GPC5: variants seen among roughly 807,000 people sequenced by gnomAD.
The protein encoded by GPC5 is glypican-5.
GPC5 carries 47 observed loss-of-function variants against 53.9 expected under a neutral mutation model. The observed-to-expected ratio is 0.87, with a 90% confidence interval of 0.69 to 1.11. GPC5 has a LOEUF of 1.11. Ranked by LOEUF, GPC5 falls within the 50% of genes most tolerant of loss-of-function variation. The pLI, the probability that GPC5 is intolerant of heterozygous loss-of-function variation, is 0.00. For synonymous variants in GPC5, 286 were observed against 263.3 expected (o/e 1.09, Z -0.84); for missense variants, 748 against 713.1 (o/e 1.05, Z -0.56).
intron 2 of GPC5, among the ~76,000 whole-genome samples, chr13:91,667,925 G>T (rs1414522143): frequency 6.6e-6 from 1 of 152,070 alleles, no homozygotes; most frequent in Non-Finnish European, 1.5e-5. Flanking sequence ...CAAAGACTGT[G>T]GAACTCAGTA....
chr13:92,273,744 C>T (rs1301835619), intron 7 of GPC5, among the ~76,000 whole-genome samples: 1 of 151,920 alleles, frequency 6.6e-6, no homozygotes, highest in Non-Finnish European at 1.5e-5. Context: ...ATTTAAGTGC[C>T]AGGAGAAAAA....
At chr13:92,209,423 C>T (rs1394039694) in intron 7 of GPC5, among the ~76,000 whole-genome samples, 3 of 152,160 alleles carry the variant, frequency 2.0e-5, no homozygotes, top group Non-Finnish European at 2.9e-5. Flanking sequence ...ACTTTGCCCT[C>T]TGTCCTGTGG....
At chr13:92,611,375 G>T (rs2139095682) in intron 7 of GPC5, among the ~76,000 whole-genome samples, 1 of 152,160 alleles carries the variant, frequency 6.6e-6, no homozygotes, top group South Asian at 2.1e-4. Flanking sequence ...CTTTCCCTTT[G>T]TCTGAAAATG....
At chr13:91,789,181 C>G (rs1340462878) in intron 5 of GPC5, among the ~76,000 whole-genome samples, 1 of 151,584 alleles carries the variant, frequency 6.6e-6, no homozygotes, top group African/African-American at 2.4e-5. Flanking sequence ...CCACTGCACT[C>G]TAGCCTGGGT....
chr13:91,545,307 G>C (rs2030217934), intron 2 of GPC5, among the ~76,000 whole-genome samples: 1 of 152,158 alleles, frequency 6.6e-6, no homozygotes, highest in Non-Finnish European at 1.5e-5. Flanking sequence ...TCGTTATTGA[G>C]AAATGAACCT....
intron 7 of GPC5, among the ~76,000 whole-genome samples, chr13:92,215,720 G>A (rs1230636781): frequency 2.0e-5 from 3 of 152,250 alleles, no homozygotes; most frequent in Admixed American, 2.0e-4. Flanking sequence ...TTGTCCTGGG[G>A]CTCTAATGTG....
intron 7 of GPC5, among the ~76,000 whole-genome samples, chr13:92,825,821 C>A (rs181600944): frequency 6.5e-4 from 99 of 152,118 alleles, no homozygotes; most frequent in African/African-American, 2.2e-3. Flanking sequence ...TGGAATTATG[C>A]TATAGATTGC....
chr13:91,694,581 G>T (rs891521230), intron 3 of GPC5, among the ~76,000 whole-genome samples: 7 of 152,100 alleles, frequency 4.6e-5, no homozygotes, highest in Non-Finnish European at 7.4e-5. Context: ...ACCTTACATA[G>T]AACCATTTTT....
intron 5 of GPC5, among the ~76,000 whole-genome samples, chr13:91,856,583 T>G (rs1319629686): frequency 6.6e-6 from 1 of 151,508 alleles, no homozygotes; most frequent in African/African-American, 2.4e-5. Context: ...CATGTGCATC[T>G]TGGCCATTCG....
At chr13:91,432,196 GC>G (rs1466009073) in intron 1 of GPC5, among the ~76,000 whole-genome samples, 3 of 72,472 alleles carry the variant, frequency 4.1e-5, no homozygotes, top group African/African-American at 2.0e-4. Flanking sequence ...TGCTGCTGCT[GC>G]TGCTGCTGTG....
rs964174914 is a variant in GPC5 at position 92,293,434 on chromosome 13, T to C, written c.1561+148445T>C. 2.4e-3 allele frequency among the ~76,000 whole-genome samples: 356 copies of C among 145,512 alleles called. 8 individuals carry two copies. The highest frequency in any genetic ancestry group is 2.4e-3 in the South Asian group (11 of 4,524). On this transcript the variant is annotated intron_variant, in intron 7 of 7. Coordinates refer to ENST00000377067, the MANE Select transcript of GPC5 (RefSeq NM_004466.6). Reference sequence around the variant, plus strand: ...GGTTGGTTGGTTTCTTTTTTTTTTTTTTTTTTTTTTTTTTTGGCAGCTATT... The same window carrying C: ...GGTTGGTTGGTTTCTTTTTTTTTTTCTTTTTTTTTTTTTTTGGCAGCTATT...
At chr13:92,492,699 GTTC>G (rs1197974731) in intron 7 of GPC5, among the ~76,000 whole-genome samples, 2 of 152,110 alleles carry the variant, frequency 1.3e-5, no homozygotes, top group Non-Finnish European at 2.9e-5. Flanking sequence ...CTAGGGTAAT[GTTC>G]TTCTTCCTTA....
intron 6 of GPC5, among the ~76,000 whole-genome samples, chr13:92,130,122 T>C (rs533532021): frequency 6.6e-6 from 1 of 152,186 alleles, no homozygotes; most frequent in Admixed American, 6.5e-5. Flanking sequence ...TGAAATGGCA[T>C]TTTAACATGC....
chr13:91,418,494 G>A (rs1231209713), intron 1 of GPC5, among the ~76,000 whole-genome samples: 1 of 152,158 alleles, frequency 6.6e-6, no homozygotes, highest in Non-Finnish European at 1.5e-5. Context: ...GCTTGATTCT[G>A]CAGGAAAGAA....
chr13:91,737,101 C>T (rs1296143640), intron 4 of GPC5, among the ~76,000 whole-genome samples: 1 of 151,306 alleles, frequency 6.6e-6, no homozygotes, highest in Non-Finnish European at 1.5e-5. Context: ...GAGACTCCGT[C>T]TCAGATTACT....
intron 7 of GPC5, among the ~76,000 whole-genome samples, chr13:92,587,044 G>A (rs574093524): frequency 2.0e-5 from 3 of 151,770 alleles, no homozygotes; most frequent in East Asian, 1.9e-4. Flanking sequence ...TTGAACCATC[G>A]ATCAAAAACA....
At chr13:91,782,721 T>C (rs1213105139) in intron 5 of GPC5, among the ~76,000 whole-genome samples, 5 of 152,214 alleles carry the variant, frequency 3.3e-5, no homozygotes, top group Non-Finnish European at 7.3e-5. Flanking sequence ...TTTTCCTTTT[T>C]ACCAACCCTA....
At chr13:91,885,064 A>G (rs1352535060) in intron 5 of GPC5, among the ~76,000 whole-genome samples, 1 of 152,198 alleles carries the variant, frequency 6.6e-6, no homozygotes, top group Non-Finnish European at 1.5e-5. Flanking sequence ...TAAATCTTCC[A>G]ATTAACTGAA....
chr13:92,219,550 C>T (rs545984518), intron 7 of GPC5, among the ~76,000 whole-genome samples: 2 of 152,208 alleles, frequency 1.3e-5, no homozygotes, highest in East Asian at 3.9e-4. Context: ...CCCTTTTCAA[C>T]CCCCTCCCCC....
Sources: gnomAD v4.1 joint callset for allele counts (sites outside exome capture counted in the v4.1 genomes callset) on GRCh38, gnomAD v4.1.1 for gene constraint, MANE v1.5 for transcripts, NCBI Gene and HGNC (gene_info 2026-07-23, HGNC 2026-07-21) for gene names.